KIF24: variants seen among roughly 807,000 people sequenced by gnomAD.
KIF24 encodes kinesin family member 24, also known as kinesin-like protein KIF24.
A neutral mutation model predicts 118.9 loss-of-function variants in KIF24; 81 were observed. The ratio of observed to expected loss-of-function variants is 0.68; its 90% CI spans 0.57 to 0.82. KIF24 has a LOEUF of 0.82. Among genes scored for constraint, KIF24 ranks in the 40% least tolerant of loss-of-function variants. The pLI is 0.00. For missense variants in KIF24, 1,560 were observed against 1,661.6 expected, an observed-to-expected ratio of 0.94 and a Z score of 1.06; for synonymous variants, 599 against 610.0, an observed-to-expected ratio of 0.98 and a Z score of 0.27.
At chr9:34,286,535 G>T in intron 6 of KIF24, 82 bp downstream of exon 6, 1 of 961,588 alleles carries the variant, frequency 1.0e-6, no homozygotes, top group Non-Finnish European at 1.7e-6. Context: ...TAAGTCCACA[G>T]TACTTGCTTA....
At chr9:34,295,028 T>G (rs1225520779) in intron 4 of KIF24, among the ~76,000 whole-genome samples, 1 of 152,222 alleles carries the variant, frequency 6.6e-6, no homozygotes, top group Non-Finnish European at 1.5e-5. Flanking sequence ...TTTTAAAAAG[T>G]TGTTTGAAAA....
At chr9:34,320,009 C>T (rs982645842) in intron 1 of KIF24, among the ~76,000 whole-genome samples, 9 of 152,112 alleles carry the variant, frequency 5.9e-5, no homozygotes, top group Non-Finnish European at 1.2e-4. Flanking sequence ...CTAGGGGGGT[C>T]AGCCAGCCCT....
chr9:34,324,657 A>G (rs992253381), intron 1 of KIF24, among the ~76,000 whole-genome samples: 1 of 152,070 alleles, frequency 6.6e-6, no homozygotes, highest in Non-Finnish European at 1.5e-5. Flanking sequence ...AAACCCTTCA[A>G]TGGTATCTTA....
chr9:34,255,546 T>C (rs1021073234), intron 11 of KIF24, among the ~76,000 whole-genome samples, 189 bp downstream of exon 11: 3 of 152,184 alleles, frequency 2.0e-5, no homozygotes, highest in African/African-American at 7.2e-5. Flanking sequence ...ATGGAGCCTA[T>C]TGCCTGGTCT....
intron 1 of KIF24, among the ~76,000 whole-genome samples, chr9:34,321,953 C>A (rs893851305): frequency 1.3e-4 from 19 of 151,992 alleles, no homozygotes; most frequent in African/African-American, 4.3e-4. Context: ...CTACAGCTAG[C>A]CAGGTCAACA....
In KIF24 at chr9:34,310,894, T is replaced by C. The variant is rs768913832; in HGVS notation, c.453A>G (p.Thr151=). The change falls in exon 2 of 13, where the codon ACA becomes ACG. Residue 151 remains threonine, a synonymous_variant. Coordinates refer to ENST00000402558, the MANE Select transcript of KIF24 (RefSeq NM_194313.4). Reference sequence around the variant, plus strand: ...CACCAGCTGTGGCATTCAGAATTCCTGTTTTTGTATGGTACTGGGAATCAT... The same window carrying C: ...CACCAGCTGTGGCATTCAGAATTCCCGTTTTTGTATGGTACTGGGAATCAT... ...LPDDSQYHTK[T]GILNATAGDS... 9.9e-6 allele frequency: 16 copies of C among 1,613,982 alleles called. No homozygotes were observed. Among genetic ancestry groups the C allele is most frequent in the Non-Finnish European group, 1.1e-5 (13 of 1,179,824 alleles).
chr9:34,308,552 G>A (rs1056445797), intron 2 of KIF24, among the ~76,000 whole-genome samples: 1 of 152,112 alleles, frequency 6.6e-6, no homozygotes, highest in African/African-American at 2.4e-5. Flanking sequence ...CCAAAGTGCT[G>A]GGATTAGAGG....
At chr9:34,296,422 GAGGCTGAGGC>G (rs1259139474) in intron 4 of KIF24, among the ~76,000 whole-genome samples, 1 of 150,946 alleles carries the variant, frequency 6.6e-6, no homozygotes. Context: ...AGCTACTTGG[GAGGCTGAGGC>G]AGGCTGAGGT....
intron 11 of KIF24, 116 bp downstream of exon 11, chr9:34,255,619 G>T: frequency 1.1e-6 from 1 of 892,810 alleles, no homozygotes; most frequent in South Asian, 1.8e-5. Context: ...GCTAGAAGCA[G>T]ACTAGCTCAC....
chr9:34,309,473 G>A (rs1347133688), intron 2 of KIF24, among the ~76,000 whole-genome samples: 8 of 150,358 alleles, frequency 5.3e-5, no homozygotes, highest in Non-Finnish European at 8.9e-5. Context: ...CCCGGGAGGC[G>A]GAGCTTGCAG....
At chr9:34,282,559 A>C (rs1835884674) in intron 6 of KIF24, 1 of 152,228 alleles carries the variant, frequency 6.6e-6, no homozygotes, top group African/African-American at 2.4e-5. Context: ...CTACCAAGTC[A>C]ATGCATGGAG....
chr9:34,314,790 A>G (rs1188794018), intron 1 of KIF24, among the ~76,000 whole-genome samples: 1 of 152,226 alleles, frequency 6.6e-6, no homozygotes, highest in East Asian at 1.9e-4. Flanking sequence ...AGACTGGTGA[A>G]ATAAATTATG....
At chr9:34,282,646 A>G (rs987997834) in intron 6 of KIF24, 3 of 152,120 alleles carry the variant, frequency 2.0e-5, no homozygotes, top group African/African-American at 7.2e-5. Context: ...AGAACATGTT[A>G]AACTGCTGAG....
intron 1 of KIF24, among the ~76,000 whole-genome samples, chr9:34,311,921 C>T (rs192256223): frequency 2.3e-4 from 35 of 152,060 alleles, no homozygotes; most frequent in Admixed American, 1.1e-3. Flanking sequence ...AAACCTTGTT[C>T]CCAACAACTG....
At chr9:34,291,467 T>C (rs557864859) in intron 4 of KIF24, among the ~76,000 whole-genome samples, 2 of 152,334 alleles carry the variant, frequency 1.3e-5, no homozygotes, top group East Asian at 3.9e-4. Flanking sequence ...AGTTTCTAAG[T>C]AGTAGTAGAT....
In KIF24 at chr9:34,257,499, C is replaced by A; in HGVS notation, c.2108G>T (p.Cys703Phe). 1 of 1,614,074 alleles carries A rather than the reference C, an allele frequency of 6.2e-7. No individual in the cohort carries two copies. The highest frequency in any genetic ancestry group is 8.5e-7 in the Non-Finnish European group (1 of 1,179,906). The change falls in exon 11 of 13, where the codon TGC becomes TTC. Residue 703 changes from cysteine to phenylalanine, a missense_variant. Around this residue, in one of 3 missense-constraint regions of KIF24, gnomAD observed 964 missense variants for 988.0 expected, o/e 0.98. Coordinates refer to ENST00000402558, the MANE Select transcript of KIF24 (RefSeq NM_194313.4). ...TGGCTGCACTGTCTGCACTTTCTTG[C>A]ACTTGGTGGACAGCTTACCACGCAC... The part of the protein sequence containing the change: ...GLVRGKLSTK[C>F]KKVQTVQPVQ...
At chr9:34,288,249 G>A (rs866601781) in intron 5 of KIF24, among the ~76,000 whole-genome samples, 1 of 151,018 alleles carries the variant, frequency 6.6e-6, no homozygotes, top group African/African-American at 2.4e-5. Context: ...ACTTTGGGAG[G>A]CCTAGAGAGG....
intron 2 of KIF24, among the ~76,000 whole-genome samples, chr9:34,308,355 C>T (rs2131807422): frequency 6.6e-6 from 1 of 151,290 alleles, no homozygotes; most frequent in South Asian, 2.1e-4. Flanking sequence ...ACAATCTTGG[C>T]TCACTGCAAC....
chr9:34,289,950 TA>T (rs1836188501), intron 5 of KIF24, among the ~76,000 whole-genome samples: 1 of 152,172 alleles, frequency 6.6e-6, no homozygotes, highest in African/African-American at 2.4e-5. Flanking sequence ...TGATAGACAT[TA>T]GAATATTGAA....
Sources: allele counts gnomAD v4.1 joint callset (sites outside exome capture counted in the v4.1 genomes callset), GRCh38; gene constraint gnomAD v4.1.1; regional missense constraint gnomAD v4.1.1; transcripts MANE v1.5; gene names NCBI Gene and HGNC (gene_info 2026-07-23, HGNC 2026-07-21).